Variants in RGS7 observed in about 807,000 individuals in gnomAD.
RGS7 encodes regulator of G protein signaling 7, also known as regulator of G-protein signaling 7.
Under a neutral mutation model 81.1 loss-of-function variants are expected in RGS7, and 27 were observed. The observed-to-expected ratio is 0.33, with a 90% CI of 0.25 to 0.46. The LOEUF (loss-of-function observed/expected upper bound fraction) is 0.46, where lower values mean the gene tolerates loss of function less well. Among genes scored for constraint, RGS7 ranks in the 20% least tolerant of loss-of-function variants. The probability of loss-of-function intolerance (pLI) is 1.00; values close to 1 mark genes in which losing one functional copy is unlikely to be tolerated. For missense variants in RGS7, 396 were observed against 607.4 expected (o/e 0.65, Z 3.66); for synonymous variants, 208 against 207.7 (o/e 1.00, Z -0.01).
intron 3 of RGS7, among the ~76,000 whole-genome samples, chr1:241,087,252 T>G (rs7518082): frequency 0.047 from 7,125 of 152,286 alleles, 573 homozygotes; most frequent in African/African-American, 0.16. Context: ...GCCTAGGTTC[T>G]TGTTCCTATG....
chr1:241,094,399 C>T (rs1448948843), intron 3 of RGS7, among the ~76,000 whole-genome samples: 1 of 152,090 alleles, frequency 6.6e-6, no homozygotes, highest in East Asian at 1.9e-4. Context: ...CCTGAGACAC[C>T]AGGTCACATA....
intron 3 of RGS7, among the ~76,000 whole-genome samples, chr1:241,059,046 T>C (rs556551243): frequency 1.1e-4 from 16 of 152,192 alleles, no homozygotes; most frequent in Non-Finnish European, 2.2e-4. Flanking sequence ...GAACATCTAA[T>C]ATTGTTAACT....
At chr1:240,865,810 G>A (rs949649250) in intron 9 of RGS7, among the ~76,000 whole-genome samples, 2 of 152,136 alleles carry the variant, frequency 1.3e-5, no homozygotes, top group African/African-American at 2.4e-5. Flanking sequence ...ACCTTAGAAA[G>A]TTCTTGTCAT....
intron 2 of RGS7, among the ~76,000 whole-genome samples, chr1:241,322,502 TAAAG>T (rs757994275): frequency 6.6e-6 from 1 of 152,362 alleles, no homozygotes; most frequent in East Asian, 1.9e-4. Flanking sequence ...GATTCTCATA[TAAAG>T]AAAGAGTATT....
chr1:240,954,611 G>A (rs538394002), intron 4 of RGS7, among the ~76,000 whole-genome samples: 21 of 151,948 alleles, frequency 1.4e-4, no homozygotes, highest in African/African-American at 4.8e-4. Flanking sequence ...TCAACTTGAT[G>A]AAAACATCTA....
chr1:240,803,925 C>T (rs1407012024), intron 15 of RGS7, among the ~76,000 whole-genome samples: 1 of 151,686 alleles, frequency 6.6e-6, no homozygotes, highest in Non-Finnish European at 1.5e-5. Flanking sequence ...TTAAACACAA[C>T]AGCAATAATT....
At chr1:240,957,763 G>C (rs537989164) in intron 4 of RGS7, among the ~76,000 whole-genome samples, 1 of 152,134 alleles carries the variant, frequency 6.6e-6, no homozygotes, top group Non-Finnish European at 1.5e-5. Flanking sequence ...AGGGAAACTG[G>C]GGGGTGGGAT....
chr1:241,321,951 G>A (rs1340769527), intron 2 of RGS7, among the ~76,000 whole-genome samples: 3 of 152,054 alleles, frequency 2.0e-5, no homozygotes, highest in Admixed American at 1.3e-4. Flanking sequence ...CAAAATCTAC[G>A]CTCCATCCCC....
At chr1:241,326,463 G>A (rs2081501598) in intron 2 of RGS7, among the ~76,000 whole-genome samples, 1 of 152,062 alleles carries the variant, frequency 6.6e-6, no homozygotes. Flanking sequence ...GTCTACAACA[G>A]CATTACCAAA....
At chr1:240,914,908 C>T (rs1672343786) in intron 6 of RGS7, among the ~76,000 whole-genome samples, 1 of 152,060 alleles carries the variant, frequency 6.6e-6, no homozygotes, top group Admixed American at 6.6e-5. Flanking sequence ...TTTGGGAAAA[C>T]CAACATTGGG....
intron 4 of RGS7, among the ~76,000 whole-genome samples, chr1:240,948,924 G>T (rs1215800048): frequency 6.6e-6 from 1 of 151,730 alleles, no homozygotes; most frequent in Non-Finnish European, 1.5e-5. Context: ...TAACCACTTG[G>T]AATTATTATT....
rs557539681 is a variant in RGS7, at chr1:240,850,346, G to A, written c.609+18241C>T. ...TATTTCAGACCTTTTCATTATTATC[G>A]TATCTGCCATGGTGACCTGTGATCA... is the stretch of plus-strand genomic sequence containing the variant. On this transcript the variant is annotated intron_variant, in intron 9 of 18. Coordinates refer to ENST00000440928, the MANE Select transcript of RGS7 (RefSeq NM_001364886.1). Among the ~76,000 whole-genome samples, 97 of 151,628 alleles carry A rather than the reference G, an allele frequency of 6.4e-4. 4 individuals carry two copies. In the South Asian group the frequency reaches 0.017, roughly 27 times the overall value.
At chr1:241,029,972 A>G (rs989209883) in intron 3 of RGS7, among the ~76,000 whole-genome samples, 1 of 152,200 alleles carries the variant, frequency 6.6e-6, no homozygotes, top group Non-Finnish European at 1.5e-5. Flanking sequence ...CATTACACCA[A>G]TGACGGTTCT....
At chr1:240,956,297 AT>A (rs1680403764) in intron 4 of RGS7, among the ~76,000 whole-genome samples, 1 of 152,078 alleles carries the variant, frequency 6.6e-6, no homozygotes, top group African/African-American at 2.4e-5. Flanking sequence ...ATGGCCAAAG[AT>A]AAAACCATTT....
chr1:240,788,619 C>T (rs6657339), intron 18 of RGS7, among the ~76,000 whole-genome samples: 79,854 of 152,110 alleles, frequency 0.52, 23,498 homozygotes, highest in Non-Finnish European at 0.66. Flanking sequence ...GATTCTGATG[C>T]GTCTCAAGTG....
chr1:241,137,042 G>T lies in RGS7; in HGVS notation c.79-38280C>A, dbSNP rs540319955. Among the ~76,000 whole-genome samples, 6 of 152,256 alleles carry T rather than the reference G, an allele frequency of 3.9e-5. No homozygotes were observed. In the East Asian group the frequency reaches 1.2e-3, roughly 29 times the overall value. The stretch of plus-strand genomic sequence containing the variant: ...ACATTCAGCTGCTGTGGCCACCTTA[G>T]CTGAGGAAGACATTTCTAAGGGATG... On this transcript the variant is annotated intron_variant, in intron 2 of 18. Coordinates refer to ENST00000440928, the MANE Select transcript of RGS7 (RefSeq NM_001364886.1).
chr1:241,015,243 T>C (rs954031714), intron 3 of RGS7, among the ~76,000 whole-genome samples: 1 of 152,224 alleles, frequency 6.6e-6, no homozygotes, highest in Non-Finnish European at 1.5e-5. Flanking sequence ...ATTTTTATTG[T>C]ACCCGAAATT....
intron 2 of RGS7, among the ~76,000 whole-genome samples, chr1:241,199,222 C>T (rs1229334386): frequency 6.6e-6 from 1 of 151,958 alleles, no homozygotes; most frequent in Non-Finnish European, 1.5e-5. Flanking sequence ...TTCGGGAGGC[C>T]GAGGCGGGCG....
chr1:240,976,446 A>T (rs959422180), intron 4 of RGS7, among the ~76,000 whole-genome samples: 4 of 152,190 alleles, frequency 2.6e-5, no homozygotes, highest in South Asian at 4.1e-4. Flanking sequence ...TTGGCCAAAC[A>T]CCAGTCTAGA....
Sources: allele counts gnomAD v4.1 joint callset (sites outside exome capture counted in the v4.1 genomes callset), GRCh38; gene constraint gnomAD v4.1.1; transcripts MANE v1.5; gene names NCBI Gene and HGNC (gene_info 2026-07-23, HGNC 2026-07-21).